The following RUFY4 variants were observed in gnomAD, a reference collection of about 807,000 sequenced individuals.
The protein encoded by RUFY4 is RUN and FYVE domain-containing protein 4.
In RUFY4, 73 loss-of-function variants were observed where a neutral mutation model predicts 69.0. That is an observed-to-expected ratio of 1.06 (90% CI 0.88 to 1.29). The LOEUF (loss-of-function observed/expected upper bound fraction) is 1.29. RUFY4 is among the 50% of genes most tolerant of loss of function. The pLI is 0.00. For missense variants in RUFY4, 770 were observed against 705.6 expected (o/e 1.09, Z -1.03); for synonymous variants, 287 against 271.8 (o/e 1.06, Z -0.55).
upstream of RUFY4, among the ~76,000 whole-genome samples, chr2:218,064,765 C>T (rs1272493636): frequency 1.3e-5 from 2 of 151,812 alleles, no homozygotes; most frequent in Admixed American, 1.3e-4. Flanking sequence ...TGCCCAAAGA[C>T]CCTGGCACCC....
At chr2:218,060,574 T>C (rs781752854) in intron 3 of RUFY4, 72 of 1,322,732 alleles carry the variant, frequency 5.4e-5, no homozygotes, top group Non-Finnish European at 7.5e-5. Flanking sequence ...ACAGGTCTCA[T>C]TGGTCATCTG....
chr2:218,049,109 T>C (rs1559422350), intron 2 of RUFY4, among the ~76,000 whole-genome samples: 1 of 152,246 alleles, frequency 6.6e-6, no homozygotes, highest in East Asian at 1.9e-4. Flanking sequence ...CTGGGTCATA[T>C]GGTTCACAGC....
Position 218,040,570 on chromosome 2 carries a change from T to G in RUFY4, c.-1158+5176T>G, listed in dbSNP as rs571867564. ...TTGCCCTCCTCCTGCCTTATGACCA[T>G]GTACTAAACTCTGACTTCATACCTG... On this transcript the variant is annotated intron_variant and NMD_transcript_variant, in intron 2 of 13. Transcript: ENST00000457754. 2.0e-4 allele frequency among the ~76,000 whole-genome samples: 31 copies of G among 152,282 alleles called. No homozygotes were observed. The South Asian group carries it at 4.8e-3, about 23-fold the overall frequency.
chr2:218,066,077 A>G (rs1169291044), upstream of RUFY4, among the ~76,000 whole-genome samples: 1 of 151,946 alleles, frequency 6.6e-6, no homozygotes, highest in Non-Finnish European at 1.5e-5. Flanking sequence ...GAAGAGACAC[A>G]GGTGCAGAGA....
chr2:218,036,880 T>C (rs1958987605), intron 2 of RUFY4, among the ~76,000 whole-genome samples: 1 of 152,234 alleles, frequency 6.6e-6, no homozygotes. Flanking sequence ...CATGAAGGTT[T>C]TCCCTTGAAA....
upstream of RUFY4, among the ~76,000 whole-genome samples, chr2:218,066,177 C>CTTTTTTTTTTTT (rs58665951): frequency 8.1e-5 from 6 of 74,438 alleles, no homozygotes; most frequent in South Asian, 5.0e-4. Flanking sequence ...CTTTTCTTTT[C>CTTTTTTTTTTTT]TTTTTTTTTT....
chr2:218,058,040 CA>C (rs1290762284), intron 2 of RUFY4, among the ~76,000 whole-genome samples: 1 of 152,216 alleles, frequency 6.6e-6, no homozygotes, highest in Non-Finnish European at 1.5e-5. Flanking sequence ...ATTCCTGAAT[CA>C]GAGATTGTGT....
chr2:218,068,240 G>T (rs1240735380), upstream of RUFY4, among the ~76,000 whole-genome samples: 1 of 151,518 alleles, frequency 6.6e-6, no homozygotes, highest in African/African-American at 2.4e-5. Context: ...GGAGGGCAGG[G>T]GACTGGAGGG....
intron 1 of RUFY4, 51 bp downstream of exon 3, chr2:218,070,702 G>C: frequency 6.5e-7 from 1 of 1,535,708 alleles, no homozygotes; most frequent in Non-Finnish European, 8.7e-7. Context: ...GAGAAGTCAG[G>C]GTCTGGGAGC....
At chr2:218,055,249 G>A (rs1290134373) in intron 2 of RUFY4, among the ~76,000 whole-genome samples, 2 of 152,120 alleles carry the variant, frequency 1.3e-5, no homozygotes, top group African/African-American at 4.8e-5. Context: ...ACAAGAATTA[G>A]CCAGGCGTCA....
chr2:218,065,927 G>A (rs931174192), upstream of RUFY4, among the ~76,000 whole-genome samples: 27 of 152,144 alleles, frequency 1.8e-4, no homozygotes, highest in Admixed American at 7.9e-4. Flanking sequence ...TCACCAGGGA[G>A]TGTGGCTGCC....
At chr2:218,054,206 A>G (rs1218478908) in intron 2 of RUFY4, among the ~76,000 whole-genome samples, 1 of 152,230 alleles carries the variant, frequency 6.6e-6, no homozygotes, top group African/African-American at 2.4e-5. Context: ...ATCTGCAATC[A>G]GATTCATAAG....
upstream of RUFY4, among the ~76,000 whole-genome samples, chr2:218,066,485 G>C (rs541825564): frequency 4.6e-5 from 7 of 152,240 alleles, no homozygotes; most frequent in African/African-American, 1.7e-4. Flanking sequence ...AACTGTCAAC[G>C]TTTCTACAGC....
In RUFY4 at chr2:218,050,578, G is replaced by A. The variant is rs564084042; in HGVS notation, c.-1157-8017G>A. ...CACTGAGTGCCACTCCCTCCTACTCGCCAAACTACAAAATCCACAGCATTT... is the reference window on the plus strand; with the variant it reads ...CACTGAGTGCCACTCCCTCCTACTCACCAAACTACAAAATCCACAGCATTT... On this transcript the variant is annotated intron_variant and NMD_transcript_variant, in intron 2 of 13. Coordinates refer to the RUFY4 transcript ENST00000457754. 1.8e-3 allele frequency among the ~76,000 whole-genome samples: 275 copies of A among 152,244 alleles called. 7 individuals carry two copies. The South Asian group carries it at 0.047, about 26-fold the overall frequency.
At chr2:218,086,282 C>T (rs923017871) in intron 9 of RUFY4, among the ~76,000 whole-genome samples, 2 of 151,972 alleles carry the variant, frequency 1.3e-5, no homozygotes, top group Non-Finnish European at 2.9e-5. Context: ...TGAAACATAG[C>T]AAAAATTAAG....
At chr2:218,060,924 C>T in intron 3 of RUFY4, 1 of 955,618 alleles carries the variant, frequency 1.0e-6, no homozygotes, top group Non-Finnish European at 1.7e-6. Flanking sequence ...CAAACCCAGA[C>T]ATATGAACTT....
At chr2:218,089,001 G>T (rs1047970074) in intron 9 of RUFY4, among the ~76,000 whole-genome samples, 2 of 149,686 alleles carry the variant, frequency 1.3e-5, no homozygotes, top group African/African-American at 5.0e-5. Flanking sequence ...ATCTTTCTCT[G>T]TCCATCTTTG....
At chr2:218,039,569 T>A (rs1402290414) in intron 2 of RUFY4, among the ~76,000 whole-genome samples, 1 of 152,214 alleles carries the variant, frequency 6.6e-6, no homozygotes, top group Non-Finnish European at 1.5e-5. Context: ...GTTCATGTTA[T>A]AATGGAGAAT....
At chr2:218,042,435 G>C (rs907750632) in intron 2 of RUFY4, among the ~76,000 whole-genome samples, 2 of 152,180 alleles carry the variant, frequency 1.3e-5, no homozygotes, top group African/African-American at 4.8e-5. Flanking sequence ...GAAAACAAAA[G>C]AAAAACAGAA....
Sources: allele counts gnomAD v4.1 joint callset (sites outside exome capture counted in the v4.1 genomes callset), GRCh38; gene constraint gnomAD v4.1.1; transcripts MANE v1.5; gene names NCBI Gene and HGNC (gene_info 2026-07-23, HGNC 2026-07-21).